Variants in UNC45B observed in about 807,000 individuals in gnomAD.
UNC45B encodes the protein unc-45 myosin chaperone B, also known as protein unc-45 homolog B.
Under a neutral mutation model 98.7 loss-of-function variants are expected in UNC45B, and 78 were observed. That is an observed-to-expected ratio of 0.79 (90% CI 0.66 to 0.95). The LOEUF (loss-of-function observed/expected upper bound fraction) is 0.95, where lower values mean the gene tolerates loss of function less well. Among genes scored for constraint, UNC45B ranks in the 40% least tolerant of loss-of-function variants. UNC45B has a pLI of 0.00. For missense variants in UNC45B, 1,225 were observed against 1,184.9 expected, an observed-to-expected ratio of 1.03 and a Z score of -0.50; for synonymous variants, 462 against 480.4, an observed-to-expected ratio of 0.96 and a Z score of 0.50.
intron 2 of UNC45B, 107 bp from the exon 3 acceptor site, chr17:35,148,866 T>A: frequency 7.1e-7 from 1 of 1,402,740 alleles, no homozygotes. Flanking sequence ...TCTGACAGCC[T>A]GCAGCTCCCC....
At chr17:35,159,338 T>C (rs1177364847) in intron 7 of UNC45B, 37 bp from the exon 8 acceptor site, 4 of 1,579,752 alleles carry the variant, frequency 2.5e-6, no homozygotes, top group Non-Finnish European at 3.5e-6. Flanking sequence ...TGAGATTTCC[T>C]ACCCCTCTCT....
At chr17:35,148,227 A>C (rs376101393) in intron 1 of UNC45B, 37 bp from the exon 2 acceptor site, 1 of 1,611,206 alleles carries the variant, frequency 6.2e-7, no homozygotes, top group Non-Finnish European at 8.5e-7. Context: ...GTCTGCAGTG[A>C]GGGGCTGACC....
intron 7 of UNC45B, 128 bp downstream of exon 7, chr17:35,155,592 T>C (rs1458790158): frequency 1.0e-6 from 1 of 981,928 alleles, no homozygotes. Context: ...TTCTCTTTTT[T>C]TGAGATGGGG....
intron 8 of UNC45B, among the ~76,000 whole-genome samples, chr17:35,161,764 G>T (rs2092104011): frequency 6.6e-6 from 1 of 152,164 alleles, no homozygotes; most frequent in Admixed American, 6.5e-5. Context: ...GGGGCTGGTT[G>T]CCAGGGGAAA....
intron 8 of UNC45B, among the ~76,000 whole-genome samples, chr17:35,161,911 T>TA (rs879431662): frequency 3.4e-4 from 52 of 152,102 alleles, no homozygotes; most frequent in Middle Eastern, 3.4e-3. Flanking sequence ...AGCCTCTATT[T>TA]AAAAAAAATC....
At chr17:35,164,879 T>C (rs1210399972) in intron 9 of UNC45B, among the ~76,000 whole-genome samples, 1 of 151,640 alleles carries the variant, frequency 6.6e-6, no homozygotes, top group Non-Finnish European at 1.5e-5. Context: ...CTTGCCACCA[T>C]GCTGGGCTAA....
At chr17:35,183,751 T>G (rs1476275271) in intron 19 of UNC45B, among the ~76,000 whole-genome samples, 169 bp downstream of exon 19, 1 of 152,218 alleles carries the variant, frequency 6.6e-6, no homozygotes, top group Admixed American at 6.5e-5. Context: ...TTCACTTCAG[T>G]GCCTTACATT....
intron 8 of UNC45B, 44 bp downstream of exon 8, chr17:35,159,589 T>A: frequency 6.3e-7 from 1 of 1,593,860 alleles, no homozygotes; most frequent in Non-Finnish European, 8.6e-7. Context: ...GCCTTTTAAG[T>A]GGGCACCAGG....
intron 8 of UNC45B, among the ~76,000 whole-genome samples, chr17:35,163,646 A>T (rs1049746961): frequency 1.3e-5 from 2 of 152,226 alleles, no homozygotes; most frequent in Non-Finnish European, 2.9e-5. Context: ...TTTACAAATG[A>T]AGAAGCTGAG....
At chr17:35,170,319 C>T in intron 12 of UNC45B, 64 bp downstream of exon 12, 1 of 1,475,458 alleles carries the variant, frequency 6.8e-7, no homozygotes, top group South Asian at 1.4e-5. Context: ...TCCAGACCCA[C>T]AGGGAATGGA....
In UNC45B at chr17:35,189,095, T is replaced by A. The variant is rs1057266011; in HGVS notation, c.*2536T>A. The A allele has an allele frequency of 6.6e-6, 1 of 152,174 alleles. No homozygotes were observed. The highest frequency in any genetic ancestry group is 2.4e-5 in the African/African-American group (1 of 41,424). The allele number at this position is 152,174 out of a possible 1,614,324, so 9.4% of individuals were successfully genotyped here. On this transcript the variant is annotated 3_prime_UTR_variant, in exon 20 of 20. Transcript: ENST00000394570. ...TTCTCTTACAGAAAATCTATAAATA[T>A]CTTAGAGGTATGTTTCTTAGTTTCC...
chr17:35,164,242 T>A, intron 9 of UNC45B, 76 bp downstream of exon 9: 1 of 1,477,610 alleles, frequency 6.8e-7, no homozygotes, highest in South Asian at 1.4e-5. Flanking sequence ...TATCTCAAAA[T>A]TTAGCAGCTC....
chr17:35,168,923 T>G (rs903741097), intron 10 of UNC45B, among the ~76,000 whole-genome samples: 1 of 152,172 alleles, frequency 6.6e-6, no homozygotes, highest in Non-Finnish European at 1.5e-5. Flanking sequence ...GCCAGGCTGG[T>G]CCTGAACTCC....
rs2092052717 is a variant in UNC45B, at chr17:35,155,400, C to A, written c.744C>A (p.Ile248=). 1 of 1,614,176 alleles carries A rather than the reference C, an allele frequency of 6.2e-7. No individual in the cohort carries two copies. The highest frequency in any genetic ancestry group is 1.3e-5 in the African/African-American group (1 of 75,040). The part of the protein sequence containing the change: ...SLAVCNLLQA[I]IDSLSGEDKR... ...CTGTCTGCAACCTGCTCCAAGCCAT[C>A]ATTGACTCCTTGTCTGGGGAGGACA... is the stretch of plus-strand genomic sequence containing the variant. Residue 248 remains isoleucine, a synonymous_variant, in exon 7 of 20, where the codon ATC becomes ATA. Coordinates refer to ENST00000394570, the MANE Select transcript of UNC45B (RefSeq NM_001267052.2).
At chr17:35,164,862 A>G (rs1374812728) in intron 9 of UNC45B, among the ~76,000 whole-genome samples, 1 of 151,048 alleles carries the variant, frequency 6.6e-6, no homozygotes, top group Non-Finnish European at 1.5e-5. Flanking sequence ...AGCTGGGACT[A>G]CAGGCACTTG....
In UNC45B at chr17:35,170,246, G is replaced by A. The variant is rs1228262905; in HGVS notation, c.1680G>A (p.Glu560=). Reference sequence around the variant, plus strand: ...TCCCTGCCCTGCAGGCCATGTTTGAGCTGGCCAAGGCAGGTGTCGGGGAGT... The same window carrying A: ...TCCCTGCCCTGCAGGCCATGTTTGAACTGGCCAAGGCAGGTGTCGGGGAGT... The part of the protein sequence containing the change: ...QDVPALQAMF[E]LAKTSDKTIL... Residue 560 remains glutamate (E), a synonymous_variant, in exon 12 of 20, where the codon GAG becomes GAA. Transcript: ENST00000394570. 1.2e-6 allele frequency: 2 copies of A among 1,607,082 alleles called. No individual in the cohort carries two copies. The highest frequency in any genetic ancestry group is 1.7e-6 in the Non-Finnish European group (2 of 1,175,032).
Position 35,170,181 on chromosome 17 carries a change from A to ACGC in UNC45B, c.1616_1618dup (p.Thr539_Leu540insPro). 1 of 1,613,828 alleles carries ACGC rather than the reference A, an allele frequency of 6.2e-7. No individual in the cohort carries two copies. The highest frequency in any genetic ancestry group is 8.5e-7 in the Non-Finnish European group (1 of 1,179,900). ...GGCAGTGGAGGGCCTGGCCTACCTC[A>ACGC]CGCTGGACGCTGATGTGAAGGACGA... On this transcript the variant is annotated inframe_insertion, in exon 12 of 20. Transcript: ENST00000394570.
In UNC45B at chr17:35,155,810, T is replaced by C. The variant is rs1008124229; in HGVS notation, c.808+346T>C. On this transcript the variant is annotated intron_variant, in intron 7 of 19. Coordinates refer to ENST00000394570, the MANE Select transcript of UNC45B (RefSeq NM_001267052.2). ...GTCTCAAACTCCAGACCTCAGGTGA[T>C]CTGCCTGCCTTGGCTTCCCAAAGTG... Among the ~76,000 whole-genome samples the C allele has an allele frequency of 3.3e-5, 5 of 152,216 alleles. No homozygotes were observed. In the East Asian group the frequency reaches 9.6e-4, roughly 29 times the overall value.
intron 4 of UNC45B, among the ~76,000 whole-genome samples, chr17:35,150,730 G>C (rs1007311956): frequency 2.6e-5 from 4 of 151,896 alleles, no homozygotes; most frequent in Non-Finnish European, 4.4e-5. Flanking sequence ...CAGCCTGGGC[G>C]ACAGAGCAAG....
Sources: gnomAD v4.1 joint callset for allele counts (sites outside exome capture counted in the v4.1 genomes callset) on GRCh38, gnomAD v4.1.1 for gene constraint, MANE v1.5 for transcripts, NCBI Gene and HGNC (gene_info 2026-07-23, HGNC 2026-07-21) for gene names.